ANO5: variants seen among roughly 807,000 people sequenced by gnomAD.
The protein encoded by ANO5 is anoctamin-5.
ANO5 carries 109 observed loss-of-function variants against 121.0 expected under a neutral mutation model. The ratio of observed to expected loss-of-function variants is 0.90; its 90% CI spans 0.77 to 1.06. The LOEUF (loss-of-function observed/expected upper bound fraction) is 1.06, where lower values mean the gene tolerates loss of function less well. ANO5 is among the 50% of genes least tolerant of loss of function. The pLI is 0.00. For missense variants in ANO5, 1,064 were observed against 1,078.5 expected (o/e 0.99, Z 0.19); for synonymous variants, 406 against 359.9 (o/e 1.13, Z -1.45).
chr11:22,258,989 C>T (rs552293357), intron 14 of ANO5, among the ~76,000 whole-genome samples: 6 of 151,970 alleles, frequency 3.9e-5, no homozygotes, highest in Non-Finnish European at 7.4e-5. Flanking sequence ...AAAAATTAGC[C>T]GGGTGTGGTG....
chr11:22,212,426 G>T (rs1052682601), intron 3 of ANO5, among the ~76,000 whole-genome samples: 1 of 151,816 alleles, frequency 6.6e-6, no homozygotes, highest in Non-Finnish European at 1.5e-5. Context: ...ATACCCTTGG[G>T]AATTAGTCTT....
chr11:22,209,120 A>G (rs898158834), intron 2 of ANO5, among the ~76,000 whole-genome samples: 4 of 151,962 alleles, frequency 2.6e-5, no homozygotes, highest in Non-Finnish European at 5.9e-5. Context: ...TTTCAAAATT[A>G]TTTTATGTTT....
intron 21 of ANO5, among the ~76,000 whole-genome samples, chr11:22,279,332 G>C (rs528950165): frequency 1.3e-5 from 2 of 151,940 alleles, no homozygotes; most frequent in Admixed American, 1.3e-4. Flanking sequence ...TGTTCAACTG[G>C]AATATTGCTA....
chr11:22,193,388 C>T lies in ANO5; in HGVS notation c.-105C>T. On this transcript the variant is annotated 5_prime_UTR_variant, in exon 1 of 22. Transcript: ENST00000324559. ...AGAAGTCCAGCAGCAGCAACTCCGG[C>T]GGCCCACAGTCAGATTCAGCACCTG... is the stretch of plus-strand genomic sequence containing the variant. The T allele has an allele frequency of 4.0e-6, 6 of 1,512,978 alleles. No homozygotes were observed. The highest frequency in any genetic ancestry group is 5.3e-6 in the Non-Finnish European group (6 of 1,129,454). 93.7% of individuals were successfully genotyped at this position (1,512,978 alleles called of 1,614,324 possible).
intron 15 of ANO5, among the ~76,000 whole-genome samples, chr11:22,260,034 A>G (rs1854143127): frequency 1.3e-5 from 2 of 151,948 alleles, no homozygotes; most frequent in Admixed American, 1.3e-4. Flanking sequence ...GTTGAATCCT[A>G]AGAAAAATAA....
chr11:22,234,990 A>G lies in ANO5; in HGVS notation c.649-1173A>G, dbSNP rs186532253. 2.6e-5 allele frequency among the ~76,000 whole-genome samples: 4 copies of G among 152,236 alleles called. No homozygotes were observed. The highest frequency in any genetic ancestry group is 4.4e-5 in the Non-Finnish European group (3 of 68,002). On this transcript the variant is annotated intron_variant, in intron 7 of 21. Coordinates refer to ENST00000324559, the MANE Select transcript of ANO5 (RefSeq NM_213599.3). ...CAGCTCCTCCTTAACACAAAGAAAG[A>G]TAATCCCTGACACTTGCTTACTTCT...
intron 2 of ANO5, among the ~76,000 whole-genome samples, chr11:22,207,120 G>A (rs1406082624): frequency 6.6e-6 from 1 of 151,984 alleles, no homozygotes. Context: ...TACTGGTAAT[G>A]AGAATGTGGA....
chr11:22,239,481 A>G (rs1198355844), intron 8 of ANO5, 88 bp from the exon 9 acceptor site: 1 of 901,742 alleles, frequency 1.1e-6, no homozygotes. Flanking sequence ...ACCCTTGTTT[A>G]CTAACATTCT....
intron 2 of ANO5, among the ~76,000 whole-genome samples, chr11:22,207,414 G>A (rs1419320974): frequency 6.6e-6 from 1 of 152,058 alleles, no homozygotes; most frequent in Non-Finnish European, 1.5e-5. Context: ...AAATGATTTT[G>A]GACAAATGTG....
At chr11:22,238,114 A>T (rs191423613) in intron 8 of ANO5, among the ~76,000 whole-genome samples, 2 of 152,126 alleles carry the variant, frequency 1.3e-5, no homozygotes, top group Admixed American at 6.6e-5. Flanking sequence ...GCAGATACAG[A>T]GGGCCCACTG....
chr11:22,193,489 G>C lies in ANO5; in HGVS notation c.-4G>C. 1 of 1,612,556 alleles carries C rather than the reference G, an allele frequency of 6.2e-7. No individual in the cohort carries two copies. The highest frequency in any genetic ancestry group is 8.5e-7 in the Non-Finnish European group (1 of 1,179,576). On this transcript the variant is annotated 5_prime_UTR_variant, in exon 1 of 22. Transcript: ENST00000324559. Reference sequence around the variant, plus strand: ...GCACCAGTGCCATTAACGAGCTGGCGAAGATGGGCGACCCGGATCTCCTGG... The same window carrying C: ...GCACCAGTGCCATTAACGAGCTGGCCAAGATGGGCGACCCGGATCTCCTGG...
Position 22,263,024 on chromosome 11 carries a change from A to T in ANO5, c.1879A>T (p.Ile627Phe). Residue 627 changes from isoleucine to phenylalanine, a missense_variant, in exon 17 of 22, where the codon ATT becomes TTT. Ile to Phe is a conservative substitution (Grantham distance 21). Coordinates refer to ENST00000324559, the MANE Select transcript of ANO5 (RefSeq NM_213599.3). The part of the protein sequence containing the change: ...IMTGKQIFGN[I>F]KEAIYPLALN... ...GACCGGGAAACAGATTTTTGGAAAC[A>T]TTAAAGAAGCCATTTATCCGTATGT... 6.2e-7 allele frequency: 1 copy of T among 1,612,400 alleles called. No individual in the cohort carries two copies. Among genetic ancestry groups the T allele is most frequent in the Admixed American group, 1.7e-5 (1 of 60,010 alleles).
At chr11:22,224,547 C>T (rs1852761625) in intron 5 of ANO5, among the ~76,000 whole-genome samples, 2 of 152,066 alleles carry the variant, frequency 1.3e-5, no homozygotes, top group African/African-American at 4.8e-5. Context: ...ATACCAGATC[C>T]ATAGTTCTTA....
intron 5 of ANO5, among the ~76,000 whole-genome samples, chr11:22,224,809 G>T (rs1590241902): frequency 6.6e-6 from 1 of 152,032 alleles, no homozygotes; most frequent in Non-Finnish European, 1.5e-5. Flanking sequence ...ACATAAAATG[G>T]AATATTTTTC....
chr11:22,192,859 G>C (rs1425601807), upstream of ANO5: 2 of 535,414 alleles, frequency 3.7e-6, no homozygotes, highest in Non-Finnish European at 4.8e-6. Context: ...AGGAGGGACG[G>C]GAGGCTGCAT....
At chr11:22,267,299 T>C (rs1854399429) in intron 17 of ANO5, among the ~76,000 whole-genome samples, 2 of 151,818 alleles carry the variant, frequency 1.3e-5, no homozygotes, top group African/African-American at 4.8e-5. Context: ...TTTTTACGTT[T>C]GATATGAGAT....
intron 1 of ANO5, among the ~76,000 whole-genome samples, chr11:22,195,086 T>C (rs1443572877): frequency 6.6e-6 from 1 of 152,228 alleles, no homozygotes; most frequent in East Asian, 1.9e-4. Context: ...ACATACTCAC[T>C]AACACTTGTT....
intron 12 of ANO5, among the ~76,000 whole-genome samples, chr11:22,253,307 T>C (rs1853887888): frequency 6.6e-6 from 1 of 152,126 alleles, no homozygotes; most frequent in African/African-American, 2.4e-5. Flanking sequence ...TACAGTACTC[T>C]TTTTGCTAAC....
intron 4 of ANO5, 77 bp downstream of exon 4, chr11:22,218,364 A>G: frequency 1.3e-6 from 2 of 1,559,390 alleles, no homozygotes; most frequent in South Asian, 2.2e-5. Context: ...TCTTCTAATG[A>G]ATACTTTGAT....
Sources: allele counts gnomAD v4.1 joint callset (sites outside exome capture counted in the v4.1 genomes callset), GRCh38; gene constraint gnomAD v4.1.1; transcripts MANE v1.5; gene names NCBI Gene and HGNC (gene_info 2026-07-23, HGNC 2026-07-21).